The following DLG2 variants were observed in gnomAD, a reference collection of about 807,000 sequenced individuals.
The protein encoded by DLG2 is disks large homolog 2.
In DLG2, 45 loss-of-function variants were observed where a neutral mutation model predicts 132.5. That is an observed-to-expected ratio of 0.34 (90% CI 0.27 to 0.44). The LOEUF (loss-of-function observed/expected upper bound fraction) is 0.44. Ranked by LOEUF, DLG2 falls within the 20% of genes least tolerant of loss-of-function variation. The pLI, the probability that DLG2 is intolerant of heterozygous loss-of-function variation, is 1.00. For missense variants in DLG2, 1,045 were observed against 1,196.9 expected, an observed-to-expected ratio of 0.87 and a Z score of 1.87; for synonymous variants, 424 against 419.6, an observed-to-expected ratio of 1.01 and a Z score of -0.13.
chr11:85,108,547 C>T (rs1167304684), intron 6 of DLG2, among the ~76,000 whole-genome samples: 8 of 81,182 alleles, frequency 9.9e-5, no homozygotes, highest in African/African-American at 2.1e-4. Context: ...TAGAGTTAAC[C>T]GCCCATTTTT....
chr11:85,140,262 A>G (rs982552662), intron 5 of DLG2, among the ~76,000 whole-genome samples: 5 of 151,948 alleles, frequency 3.3e-5, no homozygotes, highest in African/African-American at 7.2e-5. Flanking sequence ...GGCTGTACCA[A>G]TCTCCATTCC....
chr11:85,459,150 C>T (rs562465516), intron 3 of DLG2, among the ~76,000 whole-genome samples: 14 of 152,236 alleles, frequency 9.2e-5, no homozygotes, highest in Admixed American at 5.9e-4. Context: ...TCAGGGTCTT[C>T]GCTGCTTCTC....
intron 6 of DLG2, among the ~76,000 whole-genome samples, chr11:84,535,891 T>C (rs2099354253): frequency 6.6e-6 from 1 of 151,806 alleles, no homozygotes; most frequent in Non-Finnish European, 1.5e-5. Context: ...GGCTTAATTG[T>C]GATGTCTAAC....
intron 7 of DLG2, among the ~76,000 whole-genome samples, chr11:84,372,941 T>A (rs559515874): frequency 6.6e-6 from 1 of 152,042 alleles, no homozygotes; most frequent in African/African-American, 2.4e-5. Context: ...CCTTACCAAA[T>A]ACCTAAAAAT....
At chr11:85,475,383 T>C (rs983073827) in intron 3 of DLG2, among the ~76,000 whole-genome samples, 5 of 151,972 alleles carry the variant, frequency 3.3e-5, no homozygotes, top group Non-Finnish European at 7.4e-5. Flanking sequence ...TATCCTAATA[T>C]AACCTTGAAA....
At chr11:84,928,459 T>C (rs767227697) in intron 6 of DLG2, among the ~76,000 whole-genome samples, 6 of 151,932 alleles carry the variant, frequency 3.9e-5, no homozygotes, top group Non-Finnish European at 8.8e-5. Flanking sequence ...GCTAGTCCCA[T>C]TACCTAGAAC....
intron 7 of DLG2, among the ~76,000 whole-genome samples, chr11:84,380,048 A>G (rs2154433657): frequency 6.6e-6 from 1 of 152,234 alleles, no homozygotes. Context: ...ACACCAAAAA[A>G]ACAAAACTAG....
intron 4 of DLG2, among the ~76,000 whole-genome samples, chr11:85,244,523 A>G (rs1006390578): frequency 3.3e-5 from 5 of 152,020 alleles, no homozygotes; most frequent in African/African-American, 1.2e-4. Flanking sequence ...ATGGGCAACC[A>G]TAATGGGATG....
chr11:84,979,170 G>A (rs2055361112), intron 6 of DLG2, among the ~76,000 whole-genome samples: 2 of 152,132 alleles, frequency 1.3e-5, no homozygotes, highest in African/African-American at 4.8e-5. Flanking sequence ...ACAGGTGCTG[G>A]AGAGGATGTA....
At chr11:84,747,581 A>G (rs2065538855) in intron 6 of DLG2, among the ~76,000 whole-genome samples, 1 of 152,222 alleles carries the variant, frequency 6.6e-6, no homozygotes, top group Non-Finnish European at 1.5e-5. Flanking sequence ...GAATTGCTAT[A>G]AGATAAAATA....
intron 14 of DLG2, among the ~76,000 whole-genome samples, chr11:83,947,572 G>A (rs1380552715): frequency 1.3e-5 from 2 of 152,060 alleles, no homozygotes; most frequent in Non-Finnish European, 2.9e-5. Flanking sequence ...TAATGACTAT[G>A]GTTTCCTGGA....
intron 7 of DLG2, among the ~76,000 whole-genome samples, chr11:84,313,598 G>A (rs1197441595): frequency 1.4e-5 from 2 of 138,976 alleles, no homozygotes; most frequent in Non-Finnish European, 3.1e-5. Context: ...AGGAAGGAAG[G>A]AGGGAAGGAA....
At chr11:85,190,612 G>A (rs1249797556) in intron 4 of DLG2, among the ~76,000 whole-genome samples, 1 of 152,028 alleles carries the variant, frequency 6.6e-6, no homozygotes, top group Non-Finnish European at 1.5e-5. Flanking sequence ...TTGATAGATT[G>A]CTAGCTAGAT....
intron 7 of DLG2, among the ~76,000 whole-genome samples, chr11:84,337,103 A>G (rs929183173): frequency 6.6e-6 from 1 of 152,228 alleles, no homozygotes; most frequent in Non-Finnish European, 1.5e-5. Context: ...TTCTATGTGA[A>G]CATGGGTAAG....
intron 6 of DLG2, among the ~76,000 whole-genome samples, chr11:84,819,184 G>A (rs1190284880): frequency 6.6e-6 from 1 of 151,518 alleles, no homozygotes; most frequent in East Asian, 2.0e-4. Context: ...TCAACTTGCT[G>A]TAAGTCTCAC....
chr11:83,694,498 T>G (rs1370704814), intron 18 of DLG2, among the ~76,000 whole-genome samples: 2 of 152,212 alleles, frequency 1.3e-5, no homozygotes, highest in Non-Finnish European at 2.9e-5. Flanking sequence ...AACTTCCAGA[T>G]AGCAACCATA....
chr11:85,420,958 T>G (rs1427738534), intron 3 of DLG2, among the ~76,000 whole-genome samples: 2 of 152,128 alleles, frequency 1.3e-5, no homozygotes, highest in African/African-American at 4.8e-5. Flanking sequence ...TGTGTCTTGT[T>G]GGCATTCCAG....
At chr11:84,598,357 G>A (rs1016106240) in intron 6 of DLG2, among the ~76,000 whole-genome samples, 8 of 152,136 alleles carry the variant, frequency 5.3e-5, no homozygotes, top group Non-Finnish European at 8.8e-5. Flanking sequence ...ATATGGATCA[G>A]TTAAATCAGA....
At chr11:83,681,013 T>C (rs1217372754) in intron 18 of DLG2, among the ~76,000 whole-genome samples, 1 of 152,120 alleles carries the variant, frequency 6.6e-6, no homozygotes, top group Non-Finnish European at 1.5e-5. Context: ...GTAAACACTT[T>C]GGACAAACAA....
Sources: gnomAD v4.1 joint callset for allele counts (sites outside exome capture counted in the v4.1 genomes callset) on GRCh38, gnomAD v4.1.1 for gene constraint, MANE v1.5 for transcripts, NCBI Gene and HGNC (gene_info 2026-07-23, HGNC 2026-07-21) for gene names.